Variants in UBE4B observed in about 807,000 individuals in gnomAD.
UBE4B encodes the protein ubiquitin conjugation factor E4 B.
A neutral mutation model predicts 148.1 loss-of-function variants in UBE4B; 27 were observed. That is an observed-to-expected ratio of 0.18 (90% CI 0.13 to 0.25). UBE4B has a LOEUF of 0.25. Among genes scored for constraint, UBE4B ranks in the 10% least tolerant of loss-of-function variants. UBE4B has a pLI of 1.00. For synonymous variants in UBE4B, 596 were observed against 619.3 expected (o/e 0.96, Z 0.56); for missense variants, 1,170 against 1,662.4 (o/e 0.70, Z 5.15).
In UBE4B at chr1:10,135,138, C is replaced by T. The variant is rs756395634; in HGVS notation, c.2176C>T (p.Arg726Cys). ...CRITLPNDET[R>C]VNATMEDVND... Reference sequence around the variant, plus strand: ...GATTACTCTTCCCAATGATGAGACGCGTGTGAATGCAACGATGGAAGATGT... The same window carrying T: ...GATTACTCTTCCCAATGATGAGACGTGTGTGAATGCAACGATGGAAGATGT... Residue 726 changes from arginine to cysteine, a missense_variant, in exon 16 of 28, where the codon CGT becomes TGT. Physicochemically the swap from Arg to Cys is radical, Grantham distance 180 (BLOSUM62 -3). This residue lies in a region of UBE4B where 388 missense variants were observed against 536.0 expected (regional missense o/e 0.72). Transcript: ENST00000343090. 1.2e-6 allele frequency: 2 copies of T among 1,613,792 alleles called. No homozygotes were observed. The highest frequency in any genetic ancestry group is 1.7e-5 in the Admixed American group (1 of 59,964).
intron 9 of UBE4B, among the ~76,000 whole-genome samples, chr1:10,121,684 G>A (rs543087636): frequency 1.3e-5 from 2 of 152,196 alleles, no homozygotes; most frequent in South Asian, 2.1e-4. Context: ...GTGAGCCACC[G>A]TGCCTGGCCA....
At chr1:10,063,926 A>G (rs1411162775) in intron 1 of UBE4B, among the ~76,000 whole-genome samples, 1 of 151,566 alleles carries the variant, frequency 6.6e-6, no homozygotes, top group Non-Finnish European at 1.5e-5. Flanking sequence ...AAAAAAAAAG[A>G]AAAGTACATC....
intron 2 of UBE4B, among the ~76,000 whole-genome samples, chr1:10,082,225 A>G (rs1052679493): frequency 6.6e-6 from 1 of 152,062 alleles, no homozygotes; most frequent in African/African-American, 2.4e-5. Context: ...CCAGCTGGGC[A>G]TGGTGGCTCA....
At chr1:10,110,050 C>A (rs1171018938) in intron 7 of UBE4B, among the ~76,000 whole-genome samples, 1 of 152,160 alleles carries the variant, frequency 6.6e-6, no homozygotes, top group Non-Finnish European at 1.5e-5. Context: ...TTATCCTTCC[C>A]CCTTTCTCAT....
chr1:10,142,721 C>T (rs1439191631), intron 17 of UBE4B, among the ~76,000 whole-genome samples: 1 of 152,034 alleles, frequency 6.6e-6, no homozygotes, highest in African/African-American at 2.4e-5. Flanking sequence ...GGGAGAATCT[C>T]CTTTGCCTTT....
At chr1:10,088,523 C>G (rs1225719132) in intron 2 of UBE4B, among the ~76,000 whole-genome samples, 1 of 149,210 alleles carries the variant, frequency 6.7e-6, no homozygotes. Flanking sequence ...TCACAGGTGC[C>G]CGCCACCATG....
intron 21 of UBE4B, among the ~76,000 whole-genome samples, chr1:10,153,225 G>C (rs1270759393): frequency 6.6e-6 from 1 of 151,980 alleles, no homozygotes; most frequent in East Asian, 1.9e-4. Context: ...GTGCATGTGG[G>C]CTGGGCACGG....
At chr1:10,179,326 A>C (rs1267277658) in intron 26 of UBE4B, 90 bp from the exon 27 acceptor site, 1 of 1,529,748 alleles carries the variant, frequency 6.5e-7, no homozygotes, top group Non-Finnish European at 8.9e-7. Context: ...GTTCCTTTGG[A>C]TAGATTTTTC....
Position 10,080,334 on chromosome 1 carries a change from C to T in UBE4B, c.211+8120C>T, listed in dbSNP as rs975700416. Among the ~76,000 whole-genome samples the T allele has an allele frequency of 4.6e-5, 7 of 151,422 alleles. No homozygotes were observed. The South Asian group carries it at 8.4e-4, about 18-fold the overall frequency. Reference sequence around the variant, plus strand: ...ACTCTGGAAGCTGAGGCAGGAGAATCGCTTGAACCCAGGAGGCAGAGGTTG... The same window carrying T: ...ACTCTGGAAGCTGAGGCAGGAGAATTGCTTGAACCCAGGAGGCAGAGGTTG... On this transcript the variant is annotated intron_variant, in intron 2 of 27. Coordinates refer to ENST00000343090, the MANE Select transcript of UBE4B (RefSeq NM_001105562.3).
intron 22 of UBE4B, among the ~76,000 whole-genome samples, chr1:10,160,889 G>A (rs1406872013): frequency 2.0e-5 from 3 of 152,174 alleles, no homozygotes; most frequent in Admixed American, 2.0e-4. Context: ...GATGCAGTGA[G>A]CTGTGATTGT....
chr1:10,132,547 A>G (rs1026907776), intron 15 of UBE4B, 65 bp downstream of exon 15: 2 of 1,395,954 alleles, frequency 1.4e-6, no homozygotes, highest in African/African-American at 2.8e-5. Context: ...AGATTTAGTC[A>G]GCACCTACCA....
At position 10,070,388 on chromosome 1, in the gene UBE4B, C is replaced by A. The variant is rs185298917; in HGVS notation, c.25-1640C>A. Among the ~76,000 whole-genome samples, 411 of 151,262 alleles carry A rather than the reference C, an allele frequency of 2.7e-3. 3 individuals are homozygous for A. Among genetic ancestry groups the A allele is most frequent in the Non-Finnish European group, 4.9e-3 (334 of 67,862 alleles). The stretch of plus-strand genomic sequence containing the variant: ...TTACTCATAGTTGTAAGTATACAAC[C>A]CAGTGAGTTTTCATAAAGTGGACAT... On this transcript the variant is annotated intron_variant, in intron 1 of 27. Transcript: ENST00000343090.
chr1:10,043,727 C>T (rs569088129), intron 1 of UBE4B, among the ~76,000 whole-genome samples: 16 of 152,248 alleles, frequency 1.1e-4, no homozygotes, highest in South Asian at 8.3e-4. Flanking sequence ...CGCGCTGGGC[C>T]GGGATGCTTC....
At chr1:10,156,406 A>T (rs774373494) in intron 21 of UBE4B, among the ~76,000 whole-genome samples, 8 of 151,754 alleles carry the variant, frequency 5.3e-5, no homozygotes, top group Non-Finnish European at 1.0e-4. Context: ...CACCCAGCTA[A>T]TTTTTGTGGT....
chr1:10,069,558 G>A (rs370234978), intron 1 of UBE4B, among the ~76,000 whole-genome samples: 3 of 152,112 alleles, frequency 2.0e-5, no homozygotes, highest in East Asian at 1.9e-4. Context: ...TTTTTGAGAC[G>A]GAGTCTCACT....
intron 1 of UBE4B, among the ~76,000 whole-genome samples, chr1:10,066,405 A>T (rs1291169749): frequency 6.6e-6 from 1 of 151,642 alleles, no homozygotes; most frequent in Non-Finnish European, 1.5e-5. Flanking sequence ...CTGAGATTAC[A>T]GGTGTGAGCC....
intron 1 of UBE4B, among the ~76,000 whole-genome samples, chr1:10,049,490 A>G (rs957549039): frequency 1.2e-4 from 19 of 152,142 alleles, no homozygotes; most frequent in Admixed American, 1.1e-3. Flanking sequence ...CATGCCTGCA[A>G]TCCCTGCTAC....
In UBE4B at chr1:10,162,833, A is replaced by G. The variant is rs376463617; in HGVS notation, c.3198+1547A>G. Among the ~76,000 whole-genome samples the G allele has an allele frequency of 1.2e-4, 18 of 151,958 alleles. No individual in the cohort carries two copies. In the East Asian group the frequency reaches 3.3e-3, roughly 28 times the overall value. On this transcript the variant is annotated intron_variant, in intron 23 of 27. Coordinates refer to ENST00000343090, the MANE Select transcript of UBE4B (RefSeq NM_001105562.3). The stretch of plus-strand genomic sequence containing the variant: ...GTGTCTGTTATTCCCGTCTCCGTCC[A>G]TGTGTACCAATGTTTAGCTCCCATT...
chr1:10,136,158 A>C (rs1645679075), intron 16 of UBE4B, among the ~76,000 whole-genome samples: 10 of 152,202 alleles, frequency 6.6e-5, no homozygotes, highest in Admixed American at 6.5e-4. Context: ...TATACAATAC[A>C]TCAGTAAGGA....
Sources: gnomAD v4.1 joint callset for allele counts (sites outside exome capture counted in the v4.1 genomes callset) on GRCh38, gnomAD v4.1.1 for gene constraint, gnomAD v4.1.1 regional missense constraint, MANE v1.5 for transcripts, NCBI Gene and HGNC (gene_info 2026-07-23, HGNC 2026-07-21) for gene names.